Variants in ROBO1 observed in about 807,000 individuals in gnomAD.
ROBO1 encodes roundabout guidance receptor 1, also known as roundabout homolog 1.
ROBO1 carries 149 observed loss-of-function variants against 195.9 expected under a neutral mutation model. That is an observed-to-expected ratio of 0.76 (90% CI 0.67 to 0.87). The LOEUF (loss-of-function observed/expected upper bound fraction) is 0.87, where lower values mean the gene tolerates loss of function less well. Among genes scored for constraint, ROBO1 ranks in the 40% least tolerant of loss-of-function variants. The pLI is 0.00. For synonymous variants in ROBO1, 816 were observed against 733.2 expected (o/e 1.11, Z -1.82); for missense variants, 1,933 against 2,068.3 (o/e 0.93, Z 1.27).
intron 5 of ROBO1, among the ~76,000 whole-genome samples, chr3:78,720,949 TTG>T (rs2082027667): frequency 3.6e-5 from 5 of 138,088 alleles, no homozygotes; most frequent in Admixed American, 2.8e-4. Context: ...TGTTGTGGGG[TTG>T]GGGGGGGGGC....
chr3:78,651,601 C>T (rs1190467394), intron 19 of ROBO1, 131 bp downstream of exon 19: 3 of 626,054 alleles, frequency 4.8e-6, no homozygotes, highest in East Asian at 3.1e-5. Context: ...ACAATAAACG[C>T]ACTTTTGAAA....
chr3:79,223,823 G>T (rs912509820), intron 2 of ROBO1, among the ~76,000 whole-genome samples: 11 of 151,984 alleles, frequency 7.2e-5, no homozygotes, highest in Admixed American at 6.6e-4. Flanking sequence ...AATGTCAGTC[G>T]GTCTTACGTA....
chr3:78,964,805 T>C (rs1380289528), intron 3 of ROBO1, among the ~76,000 whole-genome samples: 1 of 150,750 alleles, frequency 6.6e-6, no homozygotes, highest in African/African-American at 2.4e-5. Context: ...CTTAGGGTTT[T>C]TTTTTTGTTT....
At chr3:79,717,645 T>C (rs892436099) in intron 1 of ROBO1, among the ~76,000 whole-genome samples, 2 of 152,070 alleles carry the variant, frequency 1.3e-5, no homozygotes, top group African/African-American at 4.8e-5. Flanking sequence ...GCAAAGTTAT[T>C]ATCTGTACTA....
chr3:79,357,781 C>A (rs73848855), intron 2 of ROBO1, among the ~76,000 whole-genome samples: 1,995 of 152,214 alleles, frequency 0.013, 36 homozygotes, highest in African/African-American at 0.044. Flanking sequence ...TAATTGCTAA[C>A]CTCTAGCACT....
At chr3:79,195,589 A>G (rs1051220319) in intron 2 of ROBO1, among the ~76,000 whole-genome samples, 1 of 151,590 alleles carries the variant, frequency 6.6e-6, no homozygotes, top group African/African-American at 2.4e-5. Context: ...GACTTGTATA[A>G]TGAAAAATAT....
intron 4 of ROBO1, among the ~76,000 whole-genome samples, chr3:78,837,654 C>T (rs1443574642): frequency 1.3e-5 from 2 of 151,720 alleles, no homozygotes; most frequent in African/African-American, 2.4e-5. Context: ...GCTGAAAATC[C>T]ATGGGAATAT....
chr3:78,635,482 C>T (rs1245786378), intron 23 of ROBO1, among the ~76,000 whole-genome samples: 1 of 152,092 alleles, frequency 6.6e-6, no homozygotes, highest in Non-Finnish European at 1.5e-5. Context: ...AGTTGTACAT[C>T]TGCCTCATGA....
chr3:79,348,929 T>TA (rs966011380), intron 2 of ROBO1, among the ~76,000 whole-genome samples: 82 of 151,568 alleles, frequency 5.4e-4, no homozygotes, highest in African/African-American at 1.8e-3. Context: ...AAAGTTTAAC[T>TA]AAAAAAAAAT....
chr3:79,102,325 A>G (rs1291281472), intron 3 of ROBO1, among the ~76,000 whole-genome samples: 3 of 151,782 alleles, frequency 2.0e-5, no homozygotes, highest in African/African-American at 4.8e-5. Context: ...ATACAAGGCT[A>G]TGGTCCTTAT....
At chr3:79,164,045 TA>T (rs1479649940) in intron 2 of ROBO1, among the ~76,000 whole-genome samples, 2 of 152,150 alleles carry the variant, frequency 1.3e-5, no homozygotes, top group African/African-American at 4.8e-5. Context: ...AATTGTTTTA[TA>T]AGGGGAGATC....
chr3:79,302,149 G>A (rs1442487696), intron 2 of ROBO1, among the ~76,000 whole-genome samples: 2 of 152,160 alleles, frequency 1.3e-5, no homozygotes, highest in Non-Finnish European at 2.9e-5. Context: ...AACTATACAC[G>A]CTATCCACAT....
intron 4 of ROBO1, among the ~76,000 whole-genome samples, chr3:78,772,614 A>C (rs1320140114): frequency 6.6e-6 from 1 of 152,086 alleles, no homozygotes; most frequent in Non-Finnish European, 1.5e-5. Flanking sequence ...AATATATTGT[A>C]CTAAATATCA....
intron 1 of ROBO1, among the ~76,000 whole-genome samples, chr3:79,675,577 A>G (rs1461551388): frequency 1.3e-5 from 2 of 152,064 alleles, no homozygotes; most frequent in Non-Finnish European, 2.9e-5. Flanking sequence ...AGAAATACCA[A>G]GGTGATCTGA....
At chr3:78,747,552 C>G (rs2082687367) in intron 4 of ROBO1, among the ~76,000 whole-genome samples, 1 of 152,136 alleles carries the variant, frequency 6.6e-6, no homozygotes, top group South Asian at 2.1e-4. Flanking sequence ...GTGCTACCAA[C>G]AGCATCACTT....
chr3:78,646,242 CA>C (rs1367360273), intron 20 of ROBO1, 52 bp from the exon 21 acceptor site: 1 of 1,508,394 alleles, frequency 6.6e-7, no homozygotes, highest in Non-Finnish European at 9.2e-7. Flanking sequence ...ATTTATATAT[CA>C]AAAGCTATTA....
intron 1 of ROBO1, among the ~76,000 whole-genome samples, chr3:79,636,584 A>G (rs1240551226): frequency 6.6e-6 from 1 of 152,044 alleles, no homozygotes; most frequent in Non-Finnish European, 1.5e-5. Flanking sequence ...CCTTTACTCC[A>G]TTATTGGTGA....
intron 3 of ROBO1, among the ~76,000 whole-genome samples, chr3:79,107,703 C>G (rs1290227868): frequency 6.6e-6 from 1 of 151,512 alleles, no homozygotes; most frequent in African/African-American, 2.4e-5. Context: ...CAGTAAAACT[C>G]TCAATACAGG....
chr3:79,306,526 T>C (rs2033227512), intron 2 of ROBO1, among the ~76,000 whole-genome samples: 1 of 152,236 alleles, frequency 6.6e-6, no homozygotes, highest in South Asian at 2.1e-4. Context: ...TTTTCTGTTT[T>C]CCATTCGCAT....
Sources: allele counts gnomAD v4.1 joint callset (sites outside exome capture counted in the v4.1 genomes callset), GRCh38; gene constraint gnomAD v4.1.1; transcripts MANE v1.5; gene names NCBI Gene and HGNC (gene_info 2026-07-23, HGNC 2026-07-21).